KALRN: variants seen among roughly 807,000 people sequenced by gnomAD.
KALRN encodes kalirin.
In KALRN, 70 loss-of-function variants were observed where a neutral mutation model predicts 353.7. The observed-to-expected ratio is 0.20, with a 90% CI of 0.16 to 0.24. The LOEUF is 0.24. Among genes scored for constraint, KALRN ranks in the 10% least tolerant of loss-of-function variants. KALRN has a pLI of 1.00. For synonymous variants in KALRN, 1,391 were observed against 1,434.8 expected (o/e 0.97, Z 0.69); for missense variants, 2,791 against 3,756.7 (o/e 0.74, Z 6.72).
At chr3:124,208,339 C>T (rs891416717) in intron 1 of KALRN, among the ~76,000 whole-genome samples, 8 of 152,150 alleles carry the variant, frequency 5.3e-5, no homozygotes, top group African/African-American at 1.9e-4. Context: ...TGGAGGGCTG[C>T]CCATGCCTTG....
In KALRN at chr3:124,112,870, A is replaced by G. The variant is rs1223744429; in HGVS notation, c.73+79057A>G. ...GTGGGGACAAGTAGGGTAAAAGTGA[A>G]TTGAAAGTGTATCTACATGTACTTG... On this transcript the variant is annotated intron_variant, in intron 1 of 59. Transcript: ENST00000682506. Among the ~76,000 whole-genome samples the G allele has an allele frequency of 5.3e-5, 8 of 152,116 alleles. 1 individual carries two copies. The highest frequency in any genetic ancestry group is 4.6e-4 in the Admixed American group (7 of 15,268).
At chr3:124,575,184 A>G (rs2088842) in intron 34 of KALRN, among the ~76,000 whole-genome samples, 102,206 of 152,132 alleles carry the variant, frequency 0.67, 35,478 homozygotes, top group African/African-American at 0.85. Context: ...TTCTCCCCGT[A>G]TCCACTAACC....
chr3:124,496,453 T>G (rs1052551853), intron 33 of KALRN, 40 bp downstream of exon 33: 10 of 1,459,644 alleles, frequency 6.9e-6, no homozygotes, highest in East Asian at 6.8e-5. Context: ...TGAGACTTCT[T>G]GATGGCTCAA....
rs369771819 is a variant in KALRN, at chr3:124,577,665, T to C, written c.5182+14576T>C. Among the ~76,000 whole-genome samples the C allele has an allele frequency of 4.1e-4, 63 of 152,214 alleles. 2 individuals carry two copies. The South Asian group carries it at 0.013, about 31-fold the overall frequency. Reference sequence around the variant, plus strand: ...ACTTTGGGAGGCTGAGGTAGGATGATTGCTTGAGGCCAAGAGTTCAAGACC... The same window carrying C: ...ACTTTGGGAGGCTGAGGTAGGATGACTGCTTGAGGCCAAGAGTTCAAGACC... On this transcript the variant is annotated intron_variant, in intron 34 of 59. Coordinates refer to ENST00000682506, the MANE Select transcript of KALRN (RefSeq NM_001388419.1).
intron 34 of KALRN, among the ~76,000 whole-genome samples, chr3:124,579,280 T>C (rs974595759): frequency 1.3e-5 from 2 of 152,278 alleles, no homozygotes; most frequent in South Asian, 2.1e-4. Flanking sequence ...CAGAAATTCT[T>C]TGGGGTTCAC....
intron 3 of KALRN, among the ~76,000 whole-genome samples, chr3:124,262,268 G>A (rs1270706956): frequency 6.6e-6 from 1 of 152,186 alleles, no homozygotes; most frequent in Non-Finnish European, 1.5e-5. Flanking sequence ...ACAGTGAAAA[G>A]TAGAACAGTA....
chr3:124,384,225 C>T (rs958974991), intron 10 of KALRN, among the ~76,000 whole-genome samples: 1 of 152,100 alleles, frequency 6.6e-6, no homozygotes, highest in African/African-American at 2.4e-5. Flanking sequence ...AACAAAATCA[C>T]CAGACTCTTC....
intron 32 of KALRN, 76 bp downstream of exon 32, chr3:124,492,958 C>G: frequency 6.5e-7 from 1 of 1,543,528 alleles, no homozygotes; most frequent in Non-Finnish European, 8.8e-7. Flanking sequence ...ATCTTTGCTT[C>G]TGAAGGGGGA....
At position 124,722,610 on chromosome 3, in the gene KALRN, T is replaced by G. The variant is rs332515; in HGVS notation, c.*3140T>G. ...AACAAGGAATCCCAGATGATGATGA[T>G]CCTGGGGAATGTACTTTAGGTTGCT... On this transcript the variant is annotated 3_prime_UTR_variant, in exon 60 of 60. Coordinates refer to ENST00000682506, the MANE Select transcript of KALRN (RefSeq NM_001388419.1). 86,243 of 151,992 alleles carry G rather than the reference T, an allele frequency of 0.57. 24,899 individuals are homozygous for G. Among genetic ancestry groups the G allele is most frequent in the Admixed American group, 0.68 (10,321 of 15,268 alleles). The allele number at this position is 151,992 out of a possible 1,614,324, so 9.4% of individuals were successfully genotyped here.
chr3:124,056,715 A>G (rs1231321105), intron 1 of KALRN, among the ~76,000 whole-genome samples: 1 of 152,166 alleles, frequency 6.6e-6, no homozygotes, highest in African/African-American at 2.4e-5. Flanking sequence ...GTCCCTAGCT[A>G]TTAGAAATCC....
chr3:124,132,058 A>G (rs1340780622), intron 1 of KALRN, among the ~76,000 whole-genome samples: 5 of 152,172 alleles, frequency 3.3e-5, no homozygotes, highest in African/African-American at 1.2e-4. Flanking sequence ...TGTTTTTTAC[A>G]AGTAGATCTT....
chr3:124,716,933 G>A lies in KALRN; in HGVS notation c.8277-314G>A, dbSNP rs113307483. 4.4e-3 allele frequency among the ~76,000 whole-genome samples: 669 copies of A among 152,328 alleles called. 2 individuals are homozygous for A. The highest frequency in any genetic ancestry group is 0.016 in the African/African-American group (656 of 41,566). On this transcript the variant is annotated intron_variant, in intron 58 of 59. Transcript: ENST00000682506. ...TCTTGGTGAAGGCTTTCTTTACTTAGCAATCAAACCTCTTAAATGGGTGTC... is the reference window on the plus strand; with the variant it reads ...TCTTGGTGAAGGCTTTCTTTACTTAACAATCAAACCTCTTAAATGGGTGTC...
At chr3:124,479,597 G>A (rs968358038) in intron 27 of KALRN, among the ~76,000 whole-genome samples, 2 of 151,880 alleles carry the variant, frequency 1.3e-5, no homozygotes, top group Non-Finnish European at 2.9e-5. Flanking sequence ...TTTGCTTTAG[G>A]CCCTCATTCT....
At chr3:124,695,695 C>A (rs1050092230) in intron 53 of KALRN, among the ~76,000 whole-genome samples, 1 of 151,366 alleles carries the variant, frequency 6.6e-6, no homozygotes, top group African/African-American at 2.4e-5. Context: ...GATCCCACAT[C>A]TAGAATTTGA....
At chr3:124,471,069 A>G (rs1457610783) in intron 25 of KALRN, among the ~76,000 whole-genome samples, 1 of 152,058 alleles carries the variant, frequency 6.6e-6, no homozygotes, top group Non-Finnish European at 1.5e-5. Flanking sequence ...CCCCCTAAAT[A>G]TAAGTCTCCA....
chr3:124,663,997 C>A (rs2085232839), intron 45 of KALRN, among the ~76,000 whole-genome samples: 1 of 152,156 alleles, frequency 6.6e-6, no homozygotes, highest in Non-Finnish European at 1.5e-5. Context: ...CTTTGCTGTG[C>A]ATTTTTCATA....
chr3:124,239,884 G>A (rs771534518), intron 3 of KALRN, among the ~76,000 whole-genome samples: 47 of 139,268 alleles, frequency 3.4e-4, no homozygotes, highest in Admixed American at 5.8e-4. Context: ...TCAATAAAAG[G>A]AGGATGTGGG....
chr3:124,308,542 A>T (rs2077930672), intron 6 of KALRN, among the ~76,000 whole-genome samples: 1 of 151,996 alleles, frequency 6.6e-6, no homozygotes. Flanking sequence ...AATAGGTGGA[A>T]ATTAAATAAC....
At chr3:124,701,644 T>C (rs1257041665) in intron 56 of KALRN, among the ~76,000 whole-genome samples, 2 of 152,216 alleles carry the variant, frequency 1.3e-5, no homozygotes, top group African/African-American at 4.8e-5. Flanking sequence ...TTCTCCTTTC[T>C]TGACCTTGTA....
Sources: gnomAD v4.1 joint callset for allele counts (sites outside exome capture counted in the v4.1 genomes callset) on GRCh38, gnomAD v4.1.1 for gene constraint, MANE v1.5 for transcripts, NCBI Gene and HGNC (gene_info 2026-07-23, HGNC 2026-07-21) for gene names.